The following MEGF10 variants were observed in gnomAD, a reference collection of about 807,000 sequenced individuals.
The protein encoded by MEGF10 is multiple epidermal growth factor-like domains protein 10.
A neutral mutation model predicts 147.5 loss-of-function variants in MEGF10; 86 were observed. The ratio of observed to expected loss-of-function variants is 0.58; its 90% CI spans 0.49 to 0.70. The LOEUF (loss-of-function observed/expected upper bound fraction) is 0.70, where lower values mean the gene tolerates loss of function less well. Among genes scored for constraint, MEGF10 ranks in the 30% least tolerant of loss-of-function variants. The pLI is 0.00. For missense variants in MEGF10, 1,329 were observed against 1,487.3 expected, an observed-to-expected ratio of 0.89 and a Z score of 1.75; for synonymous variants, 478 against 525.5, an observed-to-expected ratio of 0.91 and a Z score of 1.24.
At chr5:127,328,948 C>T (rs141031380) in intron 1 of MEGF10, among the ~76,000 whole-genome samples, 12 of 152,268 alleles carry the variant, frequency 7.9e-5, no homozygotes, top group East Asian at 1.9e-4. Context: ...GTATATTACA[C>T]GGCTTCAACT....
chr5:127,317,782 A>G (rs1401318418), intron 1 of MEGF10, among the ~76,000 whole-genome samples: 1 of 152,188 alleles, frequency 6.6e-6, no homozygotes, highest in Non-Finnish European at 1.5e-5. Context: ...GGATAGCATT[A>G]GGAGAAATAC....
At chr5:127,440,931 T>C in intron 18 of MEGF10, 64 bp downstream of exon 18, 1 of 1,577,978 alleles carries the variant, frequency 6.3e-7, no homozygotes, top group Non-Finnish European at 8.6e-7. Flanking sequence ...ATTTCCTAGA[T>C]GCCAGGAAAT....
the MEGF10 span, among the ~76,000 whole-genome samples, chr5:127,285,194 C>T: frequency 6.6e-6 from 1 of 152,076 alleles, no homozygotes; most frequent in Non-Finnish European, 1.5e-5. Context: ...TCAAGAGCAT[C>T]GTGGCTTTCT....
At chr5:127,448,711 C>A (rs756872855) in intron 21 of MEGF10, among the ~76,000 whole-genome samples, 2 of 151,840 alleles carry the variant, frequency 1.3e-5, no homozygotes, top group African/African-American at 2.4e-5. Context: ...CTCATGTTTA[C>A]GCCTAGGATA....
intron 1 of MEGF10, among the ~76,000 whole-genome samples, chr5:127,315,781 C>T (rs79876447): frequency 0.015 from 2,242 of 152,168 alleles, 65 homozygotes; most frequent in East Asian, 0.11. Context: ...CTTAAAAAAA[C>T]AAACCAAAAC....
intron 21 of MEGF10, among the ~76,000 whole-genome samples, chr5:127,448,314 CAA>C (rs1182527332): frequency 3.3e-5 from 5 of 152,224 alleles, no homozygotes; most frequent in South Asian, 4.1e-4. Context: ...TCCTATAAAT[CAA>C]GAGTGATTAT....
At chr5:127,433,237 C>G in intron 13 of MEGF10, 126 bp from the exon 14 acceptor site, 1 of 1,083,500 alleles carries the variant, frequency 9.2e-7, no homozygotes, top group Non-Finnish European at 1.4e-6. Flanking sequence ...GATGGTAACT[C>G]TCCATTCATT....
At chr5:127,330,665 A>T (rs913964954) in intron 1 of MEGF10, among the ~76,000 whole-genome samples, 2 of 152,188 alleles carry the variant, frequency 1.3e-5, no homozygotes, top group Non-Finnish European at 2.9e-5. Flanking sequence ...TGTTCAGCAG[A>T]TGGAGAAATT....
At chr5:127,336,274 T>C (rs1243349499) in intron 2 of MEGF10, among the ~76,000 whole-genome samples, 1 of 151,924 alleles carries the variant, frequency 6.6e-6, no homozygotes, top group African/African-American at 2.4e-5. Context: ...ATGAATTTTA[T>C]ACTCCTATTT....
At chr5:127,370,044 C>A (rs1253922766) in intron 5 of MEGF10, 42 bp downstream of exon 5, 1 of 1,467,466 alleles carries the variant, frequency 6.8e-7, no homozygotes, top group Middle Eastern at 1.9e-4. Flanking sequence ...GATGTTTTTG[C>A]TGTAAGGCCC....
intron 1 of MEGF10, among the ~76,000 whole-genome samples, chr5:127,311,518 A>G (rs1409889850): frequency 1.3e-5 from 2 of 152,182 alleles, no homozygotes; most frequent in African/African-American, 4.8e-5. Flanking sequence ...CCTACCCAGC[A>G]TGTGTTCAGA....
chr5:127,329,363 T>C (rs1308166100), intron 1 of MEGF10, among the ~76,000 whole-genome samples: 1 of 152,198 alleles, frequency 6.6e-6, no homozygotes, highest in Non-Finnish European at 1.5e-5. Context: ...TTTTTCCTTA[T>C]TCCAAGTCAA....
Position 127,434,796 on chromosome 5 carries a change from C to T in MEGF10, c.1950C>T (p.Gly650=). ...CCGGCCTGTGTGACTGCTTGCCTGG[C>T]TTCACAGGCGCCCTCTGCAATGAAG... is the stretch of plus-strand genomic sequence containing the variant. ...HITGLCDCLP[G]FTGALCNEVC... is the part of the protein sequence containing the mutation. Residue 650 remains glycine (G), a synonymous_variant, in exon 15 of 25, where the codon GGC becomes GGT. Coordinates refer to ENST00000503335, the MANE Select transcript of MEGF10 (RefSeq NM_001256545.2). 1 of 1,613,532 alleles carries T rather than the reference C, an allele frequency of 6.2e-7. No homozygotes were observed. Among genetic ancestry groups the T allele is most frequent in the South Asian group, 1.1e-5 (1 of 91,074 alleles).
At chr5:127,416,447 T>C (rs1764782633) in intron 9 of MEGF10, among the ~76,000 whole-genome samples, 1 of 152,110 alleles carries the variant, frequency 6.6e-6, no homozygotes, top group South Asian at 2.1e-4. Context: ...TAGTTCTAAG[T>C]AGATCTGAGA....
intron 9 of MEGF10, among the ~76,000 whole-genome samples, chr5:127,412,497 C>T (rs1264104388): frequency 1.3e-5 from 2 of 152,122 alleles, no homozygotes; most frequent in East Asian, 1.9e-4. Context: ...TGGAGCCTTG[C>T]TGTTACATAA....
At chr5:127,283,423 T>C in the MEGF10 span, among the ~76,000 whole-genome samples, 3 of 152,232 alleles carry the variant, frequency 2.0e-5, no homozygotes, top group African/African-American at 7.2e-5. Context: ...AGATAAATCC[T>C]GTTTCTTGCT....
chr5:127,434,421 A>C (rs1644246842), intron 14 of MEGF10, among the ~76,000 whole-genome samples: 1 of 152,190 alleles, frequency 6.6e-6, no homozygotes, highest in Non-Finnish European at 1.5e-5. Flanking sequence ...ACTTGAGCTA[A>C]CTGGGGCCTT....
At chr5:127,376,158 T>C (rs1763018919) in intron 5 of MEGF10, among the ~76,000 whole-genome samples, 1 of 152,044 alleles carries the variant, frequency 6.6e-6, no homozygotes, top group African/African-American at 2.4e-5. Flanking sequence ...CAGATTGCAA[T>C]AGACTACTCT....
intron 5 of MEGF10, among the ~76,000 whole-genome samples, chr5:127,377,406 A>G (rs1763073490): frequency 6.6e-6 from 1 of 152,188 alleles, no homozygotes; most frequent in Admixed American, 6.5e-5. Flanking sequence ...TTTGCTTTTG[A>G]CATTAGTACC....
Sources: gnomAD v4.1 joint callset for allele counts (sites outside exome capture counted in the v4.1 genomes callset) on GRCh38, gnomAD v4.1.1 for gene constraint, MANE v1.5 for transcripts, NCBI Gene and HGNC (gene_info 2026-07-23, HGNC 2026-07-21) for gene names.